Variants in CCDC7 observed in about 807,000 individuals in gnomAD.
CCDC7 encodes the protein coiled-coil domain-containing protein 7.
In CCDC7, 183 loss-of-function variants were observed where a neutral mutation model predicts 196.9. The observed-to-expected ratio is 0.93, with a 90% CI of 0.82 to 1.05. The LOEUF (loss-of-function observed/expected upper bound fraction) is 1.05, where lower values mean the gene tolerates loss of function less well. Ranked by LOEUF, CCDC7 falls within the 50% of genes least tolerant of loss-of-function variation. The pLI, the probability that CCDC7 is intolerant of heterozygous loss-of-function variation, is 0.00. For synonymous variants in CCDC7, 525 were observed against 484.6 expected, an observed-to-expected ratio of 1.08 and a Z score of -1.10; for missense variants, 1,540 against 1,482.2, an observed-to-expected ratio of 1.04 and a Z score of -0.64.
At chr10:32,462,838 T>C (rs2036011445) in intron 4 of CCDC7, 135 bp downstream of exon 5, 5 of 1,269,600 alleles carry the variant, frequency 3.9e-6, no homozygotes, top group Non-Finnish European at 5.4e-6. Flanking sequence ...AAGAATTTTA[T>C]GTTCATTTGT....
At chr10:32,712,221 C>A (rs2080951391) in intron 25 of CCDC7, among the ~76,000 whole-genome samples, 1 of 152,192 alleles carries the variant, frequency 6.6e-6, no homozygotes, top group Non-Finnish European at 1.5e-5. Flanking sequence ...ATAGAGGATG[C>A]TGTCTGATCT....
In CCDC7 at chr10:32,574,658, C is replaced by T. The variant is rs189142722; in HGVS notation, c.1454+2765C>T. 1.7e-3 allele frequency: 628 copies of T among 370,244 alleles called. 3 individuals carry two copies. Among genetic ancestry groups the T allele is most frequent in the Non-Finnish European group, 2.5e-3 (566 of 225,544 alleles). The allele number at this position is 370,244 out of a possible 1,614,324, so 22.9% of individuals were successfully genotyped here. ...ATAATTTATTGTTTCACATCATGTG[C>T]GTTGTTAGCTTTTCTTAAATGTTTT... On this transcript the variant is annotated intron_variant, in intron 16 of 41. Coordinates refer to ENST00000639629, the Ensembl canonical transcript of CCDC7.
intron 14 of CCDC7, among the ~76,000 whole-genome samples, chr10:32,567,271 C>G: frequency 6.6e-6 from 1 of 151,148 alleles, no homozygotes; most frequent in East Asian, 1.9e-4. Context: ...GACTTTTATT[C>G]CAGAAGAAAT....
chr10:32,608,097 T>C (rs1056777739), intron 18 of CCDC7, among the ~76,000 whole-genome samples: 1 of 152,108 alleles, frequency 6.6e-6, no homozygotes, highest in Non-Finnish European at 1.5e-5. Context: ...TGTTAGCATA[T>C]AGTTTTTCAT....
At chr10:32,632,951 G>C (rs2065078199) in intron 18 of CCDC7, among the ~76,000 whole-genome samples, 1 of 152,154 alleles carries the variant, frequency 6.6e-6, no homozygotes, top group Non-Finnish European at 1.5e-5. Flanking sequence ...TAGACTTCCA[G>C]TGAGCTCTAC....
At chr10:32,819,234 T>C (rs547646733) in intron 31 of CCDC7, among the ~76,000 whole-genome samples, 13 of 152,248 alleles carry the variant, frequency 8.5e-5, no homozygotes, top group African/African-American at 3.1e-4. Context: ...ATACATTCCT[T>C]GACACAAACA....
At chr10:32,637,548 G>C (rs11009009) in intron 20 of CCDC7, among the ~76,000 whole-genome samples, 1 of 151,924 alleles carries the variant, frequency 6.6e-6, no homozygotes, top group African/African-American at 2.4e-5. Flanking sequence ...GTAGATATGC[G>C]GCATTATTTC....
Position 32,726,837 on chromosome 10 carries a change from GTGTAGTAAT to G in CCDC7, c.2668+7_2668+15del. On this transcript the variant is annotated splice_donor_region_variant and intron_variant, in intron 26 of 41. Coordinates refer to ENST00000639629, the Ensembl canonical transcript of CCDC7. ...CTGGAAGGGAAAGGCGTAATAGTAA[GTGTAGTAAT>G]TATAGATGACTTTAAATTATTTTAA... The G allele has an allele frequency of 6.6e-7, 1 of 1,517,110 alleles. No homozygotes were observed. Among genetic ancestry groups the G allele is most frequent in the Non-Finnish European group, 9.0e-7 (1 of 1,107,060 alleles). The allele number at this position is 1,517,110 out of a possible 1,614,324, so 94.0% of individuals were successfully genotyped here.
At chr10:32,446,721 C>T (rs2031179840), upstream of CCDC7, 1 of 152,186 alleles carries the variant, frequency 6.6e-6, no homozygotes, top group Non-Finnish European at 1.5e-5. Flanking sequence ...ATGCTGACAT[C>T]CACTTCCTAG....
chr10:32,734,503 C>A lies in CCDC7; in HGVS notation c.2905+5046C>A, dbSNP rs928491723. 2.0e-5 allele frequency among the ~76,000 whole-genome samples: 3 copies of A among 152,048 alleles called. No individual in the cohort carries two copies. In the South Asian group the frequency reaches 6.2e-4, roughly 31 times the overall value. The stretch of plus-strand genomic sequence containing the variant: ...AACTATTGGGTATTGGGCTTAATAC[C>A]TGGGTGATGAAAAATCTGTACAACA... On this transcript the variant is annotated intron_variant, in intron 28 of 41. Transcript: ENST00000639629.
chr10:32,816,884 GA>G (rs1312487815), intron 31 of CCDC7, among the ~76,000 whole-genome samples: 4 of 151,734 alleles, frequency 2.6e-5, no homozygotes, highest in African/African-American at 9.7e-5. Context: ...CAAAGATGGG[GA>G]AAAAAAAGAG....
chr10:32,642,624 C>T (rs1383488085), intron 20 of CCDC7, among the ~76,000 whole-genome samples: 3 of 152,204 alleles, frequency 2.0e-5, no homozygotes, highest in Admixed American at 6.5e-5. Context: ...TGATGCCTCA[C>T]CCTGCTTCAG....
At chr10:32,511,691 T>C in intron 9 of CCDC7, 3 of 1,581,430 alleles carry the variant, frequency 1.9e-6, no homozygotes, top group Non-Finnish European at 8.7e-7. Flanking sequence ...CGCTGACAAA[T>C]ACTCGTGAAT....
chr10:32,816,300 C>T (rs1192233005), intron 31 of CCDC7, among the ~76,000 whole-genome samples: 3 of 152,170 alleles, frequency 2.0e-5, no homozygotes, highest in South Asian at 2.1e-4. Flanking sequence ...GGGGTGCCTG[C>T]GATTGCTGAG....
At chr10:32,505,259 T>C (rs2135109184) in intron 9 of CCDC7, among the ~76,000 whole-genome samples, 1 of 152,022 alleles carries the variant, frequency 6.6e-6, no homozygotes, top group South Asian at 2.1e-4. Context: ...GGTCATAGGA[T>C]AATAGTGGAG....
At chr10:32,702,519 G>T (rs1439870023) in intron 24 of CCDC7, among the ~76,000 whole-genome samples, 5 of 152,174 alleles carry the variant, frequency 3.3e-5, no homozygotes, top group Non-Finnish European at 7.4e-5. Context: ...GGAGAGTTCC[G>T]TAGATGTCTA....
chr10:32,706,035 C>T lies in CCDC7; in HGVS notation c.2459-5585C>T, dbSNP rs181629710. Among the ~76,000 whole-genome samples, 8 of 152,216 alleles carry T rather than the reference C, an allele frequency of 5.3e-5. No individual in the cohort carries two copies. In the East Asian group the frequency reaches 9.6e-4, roughly 18 times the overall value. ...ATATGTATTCTTCTCAGCACCACATCGCACTTATTCCAAAATTGACTACAT... is the reference window on the plus strand; with the variant it reads ...ATATGTATTCTTCTCAGCACCACATTGCACTTATTCCAAAATTGACTACAT... On this transcript the variant is annotated intron_variant, in intron 24 of 41. Coordinates refer to ENST00000639629, the Ensembl canonical transcript of CCDC7.
At chr10:32,565,463 G>A in intron 13 of CCDC7, 95 bp from the exon 15 acceptor site, 2 of 1,240,906 alleles carry the variant, frequency 1.6e-6, no homozygotes, top group Non-Finnish European at 2.2e-6. Context: ...TTCTTATCTT[G>A]GGTATCTATG....
chr10:32,761,461 G>A (rs2077456175), intron 28 of CCDC7, among the ~76,000 whole-genome samples: 1 of 151,896 alleles, frequency 6.6e-6, no homozygotes, highest in African/African-American at 2.4e-5. Flanking sequence ...ACATACTTTT[G>A]CCAAAGTAAT....
Sources: gnomAD v4.1 joint callset for allele counts (sites outside exome capture counted in the v4.1 genomes callset) on GRCh38, gnomAD v4.1.1 for gene constraint, MANE v1.5 for transcripts, NCBI Gene and HGNC (gene_info 2026-07-23, HGNC 2026-07-21) for gene names.